The following PLD5 variants were observed in gnomAD, a reference collection of about 807,000 sequenced individuals.
The protein encoded by PLD5 is inactive phospholipase D5.
Under a neutral mutation model 61.1 loss-of-function variants are expected in PLD5, and 36 were observed. The ratio of observed to expected loss-of-function variants is 0.59; its 90% confidence interval spans 0.45 to 0.78. PLD5 has a LOEUF of 0.78. Among genes scored for constraint, PLD5 ranks in the 30% least tolerant of loss-of-function variants. The pLI is 0.00. For missense variants in PLD5, 515 were observed against 644.4 expected (o/e 0.80, Z 2.17); for synonymous variants, 243 against 242.8 (o/e 1.00, Z -0.01).
intron 1 of PLD5, among the ~76,000 whole-genome samples, chr1:242,368,203 T>C (rs188316263): frequency 3.8e-4 from 58 of 152,278 alleles, no homozygotes; most frequent in Non-Finnish European, 7.4e-4. Context: ...TGCTCCACTG[T>C]AAACAACCAA....
chr1:242,275,946 T>G (rs1279230254), intron 3 of PLD5, among the ~76,000 whole-genome samples: 1 of 152,156 alleles, frequency 6.6e-6, no homozygotes, highest in Non-Finnish European at 1.5e-5. Context: ...AGAAAAGAAC[T>G]CGGACTGCAA....
intron 5 of PLD5, among the ~76,000 whole-genome samples, chr1:242,154,470 G>A (rs1665186529): frequency 6.6e-6 from 1 of 152,100 alleles, no homozygotes; most frequent in Non-Finnish European, 1.5e-5. Flanking sequence ...AATGATATTG[G>A]CTGTGGGTTT....
At chr1:242,380,081 G>C (rs1263317850) in intron 1 of PLD5, among the ~76,000 whole-genome samples, 24 of 152,292 alleles carry the variant, frequency 1.6e-4, no homozygotes, top group Admixed American at 1.4e-3. Flanking sequence ...CAGGGCATTT[G>C]GGGGTTCTAT....
chr1:242,274,325 G>A (rs1674282899), intron 3 of PLD5, among the ~76,000 whole-genome samples: 1 of 152,220 alleles, frequency 6.6e-6, no homozygotes, highest in South Asian at 2.1e-4. Context: ...TGTGGGGGCG[G>A]AGGATCACTT....
intron 5 of PLD5, among the ~76,000 whole-genome samples, chr1:242,190,708 C>T (rs913650452): frequency 3.3e-5 from 5 of 151,490 alleles, no homozygotes; most frequent in Non-Finnish European, 7.4e-5. Context: ...ATGGCAAAAC[C>T]TCATCTCTTA....
At chr1:242,322,769 C>T (rs1264812393) in intron 2 of PLD5, among the ~76,000 whole-genome samples, 1 of 152,202 alleles carries the variant, frequency 6.6e-6, no homozygotes, top group African/African-American at 2.4e-5. Context: ...TTGCCTTTTG[C>T]CACAAGTGTA....
chr1:242,200,421 G>C (rs572070874), intron 5 of PLD5, among the ~76,000 whole-genome samples: 14 of 152,290 alleles, frequency 9.2e-5, no homozygotes, highest in African/African-American at 3.4e-4. Flanking sequence ...AGTCTGCTCC[G>C]ATGAGTAAAA....
Position 242,444,835 on chromosome 1 carries a change from A to G in PLD5, c.189+79253T>C, listed in dbSNP as rs1175782656. On this transcript the variant is annotated intron_variant, in intron 1 of 9. Transcript: ENST00000536534. ...TCATTGGACTTTGGGAACAGGCCAT[A>G]GGACTCATCTCATACAGTTATTGAC... is the stretch of plus-strand genomic sequence containing the variant. Among the ~76,000 whole-genome samples, 4 of 150,848 alleles carry G rather than the reference A, an allele frequency of 2.7e-5. No homozygotes were observed. The East Asian group carries it at 7.7e-4, about 29-fold the overall frequency.
At chr1:242,325,762 A>C (rs1042118580) in intron 2 of PLD5, among the ~76,000 whole-genome samples, 3 of 151,658 alleles carry the variant, frequency 2.0e-5, no homozygotes, top group Non-Finnish European at 2.9e-5. Context: ...GAAGACATCC[A>C]CAGACCTACA....
At chr1:242,267,820 G>T (rs2149107334) in intron 3 of PLD5, among the ~76,000 whole-genome samples, 1 of 150,400 alleles carries the variant, frequency 6.6e-6, no homozygotes, top group East Asian at 2.0e-4. Flanking sequence ...GTCTAAGGAT[G>T]CAGTGAGCCA....
chr1:242,098,534 C>T (rs549073477), intron 9 of PLD5, among the ~76,000 whole-genome samples: 11 of 152,156 alleles, frequency 7.2e-5, no homozygotes, highest in Non-Finnish European at 1.5e-4. Context: ...GTAGTTTGAT[C>T]GTCTGAAGCC....
intron 5 of PLD5, among the ~76,000 whole-genome samples, chr1:242,139,538 C>T (rs945544637): frequency 6.6e-6 from 1 of 151,726 alleles, no homozygotes; most frequent in African/African-American, 2.4e-5. Context: ...CGAGGGAGAC[C>T]CTATACTGGT....
intron 5 of PLD5, among the ~76,000 whole-genome samples, chr1:242,169,570 G>C (rs1666587591): frequency 6.6e-6 from 1 of 152,146 alleles, no homozygotes; most frequent in Non-Finnish European, 1.5e-5. Flanking sequence ...TGGAATGCCA[G>C]CGAGACAGAA....
chr1:242,424,941 G>C (rs905931292), intron 1 of PLD5, among the ~76,000 whole-genome samples: 1 of 152,166 alleles, frequency 6.6e-6, no homozygotes, highest in African/African-American at 2.4e-5. Context: ...AGACCAGCCT[G>C]GCCAAGATGG....
intron 1 of PLD5, among the ~76,000 whole-genome samples, chr1:242,520,828 G>A (rs1272775789): frequency 6.6e-6 from 1 of 152,142 alleles, no homozygotes; most frequent in Non-Finnish European, 1.5e-5. Context: ...GAGCAGGGGT[G>A]GATTAGAGGG....
chr1:242,115,241 C>T lies in PLD5; in HGVS notation c.934-1215G>A, dbSNP rs1661850595. ...ATAAATGTGATGCCCTTCAATCATC[C>T]TGAAAGCATCCCTGCTGACCCTGGT... On this transcript the variant is annotated intron_variant, in intron 6 of 9. Coordinates refer to ENST00000536534, the MANE Select transcript of PLD5 (RefSeq NM_001372062.1). Among the ~76,000 whole-genome samples the T allele has an allele frequency of 1.3e-5, 2 of 152,098 alleles. 1 individual carries two copies. Among genetic ancestry groups the T allele is most frequent in the South Asian group, 4.2e-4 (2 of 4,818 alleles).
chr1:242,109,556 G>A (rs1189958795), intron 7 of PLD5, among the ~76,000 whole-genome samples: 2 of 152,198 alleles, frequency 1.3e-5, no homozygotes, highest in Non-Finnish European at 2.9e-5. Flanking sequence ...CTCCCCCAGT[G>A]GTCAGGATCT....
In PLD5 at chr1:242,112,339, G is replaced by GTGTGTATATATATATATATATA. The variant is rs1370325825; in HGVS notation, c.1070+1550_1070+1551insTATATATATATATATATACACA. Among the ~76,000 whole-genome samples the GTGTGTATATATATATATATATA allele has an allele frequency of 2.3e-4, 33 of 143,402 alleles. 1 individual carries two copies. The highest frequency in any genetic ancestry group is 2.1e-3 in the East Asian group (10 of 4,784). 94.1% of individuals were successfully genotyped at this position (143,402 alleles called of 152,430 possible). On this transcript the variant is annotated intron_variant, in intron 7 of 9. Transcript: ENST00000536534. ...TGTGTGTGTGTATGTATGTATATGTGTATATATATATATAGATGGAGTCTC... is the reference window on the plus strand; with the variant it reads ...TGTGTGTGTGTATGTATGTATATGTGTGTGTATATATATATATATATATATATATATATATAGATGGAGTCTC...
chr1:242,340,909 T>C (rs1176054917), intron 2 of PLD5, among the ~76,000 whole-genome samples: 1 of 152,104 alleles, frequency 6.6e-6, no homozygotes, highest in Non-Finnish European at 1.5e-5. Context: ...TGTTCATTAC[T>C]GCAGCTTAAG....
Sources: allele counts gnomAD v4.1 joint callset (sites outside exome capture counted in the v4.1 genomes callset), GRCh38; gene constraint gnomAD v4.1.1; transcripts MANE v1.5; gene names NCBI Gene and HGNC (gene_info 2026-07-23, HGNC 2026-07-21).